SEMA6A: variants seen among roughly 807,000 people sequenced by gnomAD.
SEMA6A encodes semaphorin-6A.
Under a neutral mutation model 96.8 loss-of-function variants are expected in SEMA6A, and 25 were observed. The ratio of observed to expected loss-of-function variants is 0.26; its 90% CI spans 0.19 to 0.36. SEMA6A has a LOEUF of 0.36. Among genes scored for constraint, SEMA6A ranks in the 10% least tolerant of loss-of-function variants. The pLI, the probability that SEMA6A is intolerant of heterozygous loss-of-function variation, is 1.00. For synonymous variants in SEMA6A, 612 were observed against 518.0 expected (o/e 1.18, Z -2.46); for missense variants, 1,363 against 1,323.1 (o/e 1.03, Z -0.47).
At position 116,529,912 on chromosome 5, in the gene SEMA6A, G is replaced by A. The variant is rs184905154; in HGVS notation, c.-38-24930C>T. 5.9e-5 allele frequency among the ~76,000 whole-genome samples: 9 copies of A among 152,072 alleles called. No individual in the cohort carries two copies. In the East Asian group the frequency reaches 1.5e-3, roughly 26 times the overall value. On this transcript the variant is annotated intron_variant, in intron 1 of 18. Coordinates refer to ENST00000343348, the MANE Select transcript of SEMA6A (RefSeq NM_020796.5). ...GTACTATGCTCACTACCTGGGTGAC[G>A]GGATCATTCATATACCAAGCCTCAA...
chr5:116,542,921 AT>A (rs200617344), intron 1 of SEMA6A, among the ~76,000 whole-genome samples: 96 of 151,992 alleles, frequency 6.3e-4, no homozygotes, highest in African/African-American at 2.2e-3. Flanking sequence ...CCTTTCTCTG[AT>A]TTTTTTTGGG....
At chr5:116,536,092 T>G (rs1759693769) in intron 1 of SEMA6A, among the ~76,000 whole-genome samples, 2 of 152,190 alleles carry the variant, frequency 1.3e-5, no homozygotes, top group Non-Finnish European at 2.9e-5. Context: ...AGGAAAGTTC[T>G]TAGAATCATC....
Position 116,478,547 on chromosome 5 carries a change from A to G in SEMA6A, c.1422T>C (p.Ser474=), listed in dbSNP as rs1436544395. Residue 474 remains serine, a synonymous_variant, in exon 13 of 19, where the codon TCT becomes TCC. Transcript: ENST00000343348. ...GAACCAAATATTCCACTTACTTTTC[A>G]GAGTTGTAAACACTCATCTCCTCCA... ...LFLEEMSVYN[S]EKCSYDGVED... is the part of the protein sequence containing the mutation. The G allele has an allele frequency of 1.2e-6, 2 of 1,607,286 alleles. No homozygotes were observed. Among genetic ancestry groups the G allele is most frequent in the Non-Finnish European group, 1.7e-6 (2 of 1,177,282 alleles).
In SEMA6A at chr5:116,500,886, G is replaced by T. The variant is rs186661314; in HGVS notation, c.218+1324C>A. Among the ~76,000 whole-genome samples, 173 of 152,244 alleles carry T rather than the reference G, an allele frequency of 1.1e-3. 1 individual carries two copies. Among genetic ancestry groups the T allele is most frequent in the African/African-American group, 3.9e-3 (164 of 41,530 alleles). ...CTGGGCGTGGTGGCGGGCACCTGTA[G>T]TCCCAGCTACTCAGGAGGCTGAGGC... is the stretch of plus-strand genomic sequence containing the variant. On this transcript the variant is annotated intron_variant, in intron 3 of 18. Transcript: ENST00000343348.
intron 1 of SEMA6A, among the ~76,000 whole-genome samples, chr5:116,537,751 A>G (rs906349531): frequency 3.3e-5 from 5 of 150,424 alleles, no homozygotes; most frequent in Non-Finnish European, 1.5e-5. Context: ...TTAGAAAAAA[A>G]GAGAGAAAAG....
At chr5:116,544,248 T>A (rs1241895023) in intron 1 of SEMA6A, among the ~76,000 whole-genome samples, 1 of 152,064 alleles carries the variant, frequency 6.6e-6, no homozygotes, top group African/African-American at 2.4e-5. Flanking sequence ...TACAGAGGTC[T>A]CCTGAGGTCT....
At chr5:116,452,658 C>T (rs1754714291) in intron 18 of SEMA6A, among the ~76,000 whole-genome samples, 1 of 149,836 alleles carries the variant, frequency 6.7e-6, no homozygotes, top group Admixed American at 6.7e-5. Flanking sequence ...AAATATCAAA[C>T]ACTACATTCC....
chr5:116,519,691 A>ACACG (rs757219223), intron 1 of SEMA6A, among the ~76,000 whole-genome samples: 1 of 140,538 alleles, frequency 7.1e-6, no homozygotes, highest in Non-Finnish European at 1.5e-5. Flanking sequence ...ACACACACAC[A>ACACG]CGCACACACA....
chr5:116,490,099 C>T (rs763861555), intron 7 of SEMA6A, among the ~76,000 whole-genome samples: 18 of 151,924 alleles, frequency 1.2e-4, no homozygotes, highest in Non-Finnish European at 2.4e-4. Flanking sequence ...ACAAAGATCT[C>T]GATGTCTGTC....
intron 18 of SEMA6A, among the ~76,000 whole-genome samples, chr5:116,450,329 G>A (rs551845157): frequency 6.6e-6 from 1 of 152,228 alleles, no homozygotes; most frequent in East Asian, 1.9e-4. Flanking sequence ...TAGGGGGACT[G>A]GATATTCCCA....
rs1186702796 is a variant in SEMA6A at position 116,447,826 on chromosome 5, G to A, written c.1895-15C>T. The stretch of plus-strand genomic sequence containing the variant: ...CCGAATCACTCCTGCAATAGACATC[G>A]CATATGGCGTTAAGAAATGAAAGCA... On this transcript the variant is annotated splice_polypyrimidine_tract_variant and intron_variant, in intron 18 of 18. Coordinates refer to ENST00000343348, the MANE Select transcript of SEMA6A (RefSeq NM_020796.5). 5.2e-6 allele frequency: 8 copies of A among 1,551,916 alleles called. No homozygotes were observed. Among genetic ancestry groups the A allele is most frequent in the Admixed American group, 1.9e-5 (1 of 52,554 alleles).
At chr5:116,478,247 C>G (rs1416035501) in intron 13 of SEMA6A, 93 bp from the exon 14 acceptor site, 5 of 1,432,720 alleles carry the variant, frequency 3.5e-6, no homozygotes, top group Non-Finnish European at 4.7e-6. Flanking sequence ...ACAAGGCAAT[C>G]TCTTAATCTA....
chr5:116,537,768 G>A (rs1350882133), intron 1 of SEMA6A, among the ~76,000 whole-genome samples: 1 of 152,130 alleles, frequency 6.6e-6, no homozygotes, highest in Non-Finnish European at 1.5e-5. Flanking sequence ...AAAGAAACAG[G>A]AAATACACAG....
At position 116,488,215 on chromosome 5, in the gene SEMA6A, T is replaced by TTTAA; in HGVS notation, c.656-23_656-20dup. 6.6e-7 allele frequency: 1 copy of TTTAA among 1,512,192 alleles called. No homozygotes were observed. Among genetic ancestry groups the TTTAA allele is most frequent in the Non-Finnish European group, 9.1e-7 (1 of 1,093,194 alleles). 93.7% of individuals were successfully genotyped at this position (1,512,192 alleles called of 1,614,324 possible). ...TATGGTTCTGTAGACAAACAGGCAC[T>TTTAA]TTAATTGGGAACATGTCAAACAGAG... On this transcript the variant is annotated intron_variant, in intron 8 of 18. Transcript: ENST00000343348.
Position 116,488,904 on chromosome 5 carries a change from A to G in SEMA6A, c.639T>C (p.Asp213=), listed in dbSNP as rs1757193777. 6.3e-7 allele frequency: 1 copy of G among 1,577,490 alleles called. No homozygotes were observed. Among genetic ancestry groups the G allele is most frequent in the Admixed American group, 1.8e-5 (1 of 54,568 alleles). The part of the protein sequence containing the change: ...ESPTLRTVKH[D]SKWLKEPYFV... ...TTTGTTCACCTTTCAACCATTTTGA[A>G]TCGTGCTTGACGGTCCGCAGGGTAG... The change falls in exon 8 of 19, where the codon GAT becomes GAC. Residue 213 remains aspartate (D), a synonymous_variant. Transcript: ENST00000343348.
chr5:116,471,758 T>G (rs1756161904), intron 17 of SEMA6A: 1 of 152,206 alleles, frequency 6.6e-6, no homozygotes, highest in South Asian at 2.1e-4. Flanking sequence ...AGCCAGTCTT[T>G]AAGATATTCA....
chr5:116,479,952 T>C (rs955132806), intron 12 of SEMA6A, among the ~76,000 whole-genome samples, 170 bp downstream of exon 12: 1 of 152,182 alleles, frequency 6.6e-6, no homozygotes, highest in African/African-American at 2.4e-5. Flanking sequence ...TGGGAATGTG[T>C]GTATAGGGGT....
chr5:116,538,897 A>G (rs1759840606), intron 1 of SEMA6A, among the ~76,000 whole-genome samples: 1 of 152,080 alleles, frequency 6.6e-6, no homozygotes, highest in South Asian at 2.1e-4. Context: ...TGTATTTTCT[A>G]GAGTTTTCTT....
intron 1 of SEMA6A, among the ~76,000 whole-genome samples, chr5:116,533,965 T>C (rs1759601995): frequency 6.6e-6 from 1 of 152,160 alleles, no homozygotes; most frequent in Non-Finnish European, 1.5e-5. Flanking sequence ...AATTCACTGA[T>C]ACTCCCTAAA....
Sources: gnomAD v4.1 joint callset for allele counts (sites outside exome capture counted in the v4.1 genomes callset) on GRCh38, gnomAD v4.1.1 for gene constraint, MANE v1.5 for transcripts, NCBI Gene and HGNC (gene_info 2026-07-23, HGNC 2026-07-21) for gene names.